The following CENATAC variants were observed in gnomAD, a reference collection of about 807,000 sequenced individuals.
CENATAC encodes the protein coiled-coil domain containing 84.
CENATAC carries 53 observed loss-of-function variants against 53.7 expected under a neutral mutation model. That is an observed-to-expected ratio of 0.99 (90% CI 0.79 to 1.24). The LOEUF is 1.24. CENATAC is among the 50% of genes most tolerant of loss of function. CENATAC has a pLI of 0.00. For synonymous variants in CENATAC, 156 were observed against 144.6 expected, an observed-to-expected ratio of 1.08 and a Z score of -0.57; for missense variants, 474 against 417.8, an observed-to-expected ratio of 1.13 and a Z score of -1.17.
chr11:119,011,848 C>T (rs1942885684), intron 5 of CENATAC, 91 bp from the exon 6 acceptor site: 2 of 1,095,078 alleles, frequency 1.8e-6, no homozygotes, highest in Non-Finnish European at 2.8e-6. Flanking sequence ...TTGTTTCCTT[C>T]CTGTGATACT....
At chr11:119,001,887 T>C (rs1942315530) in intron 3 of CENATAC, 1 of 241,686 alleles carries the variant, frequency 4.1e-6, no homozygotes, top group Non-Finnish European at 8.6e-6. Context: ...CAAGACCCCA[T>C]CTCTAAAAAG....
intron 8 of CENATAC, 122 bp downstream of exon 8, chr11:119,013,384 C>T: frequency 3.0e-6 from 2 of 677,212 alleles, no homozygotes; most frequent in Admixed American, 3.0e-5. Context: ...CAACCTCTGC[C>T]TCTCAGGTTC....
rs781993939 is a variant in CENATAC, at chr11:118,998,213, C to T, written c.16C>T (p.Arg6Cys). The change falls in exon 1 of 11, where the codon CGC becomes TGC. Residue 6 changes from arginine (R) to cysteine (C), a missense_variant. Transcript: ENST00000334418. MAPAQ[R>C]CPLCRQTFFC... is the part of the protein sequence containing the mutation. ...TACCCGGGCTATGGCGCCGGCGCAG[C>T]GCTGCCCTCTGTGCCGCCAGACCTT... 16 of 1,581,784 alleles carry T rather than the reference C, an allele frequency of 1.0e-5. No homozygotes were observed. Among genetic ancestry groups the T allele is most frequent in the Non-Finnish European group, 1.4e-5 (16 of 1,165,130 alleles).
intron 8 of CENATAC, 56 bp from the exon 9 acceptor site, chr11:119,014,938 T>C: frequency 1.6e-6 from 2 of 1,231,114 alleles, no homozygotes; most frequent in South Asian, 2.7e-5. Context: ...TAGGACATGT[T>C]TCACAATAGC....
At position 119,014,860 on chromosome 11, in the gene CENATAC, G is replaced by A. The variant is rs536230282; in HGVS notation, c.716-134G>A. On this transcript the variant is annotated intron_variant, in intron 8 of 10. Transcript: ENST00000334418. ...TTAAATTAGCCTAGGGCCTTCTAAA[G>A]CTCCAGAATTCCTGGGCTTTGCTTT... is the stretch of plus-strand genomic sequence containing the variant. 1.2e-4 allele frequency: 69 copies of A among 592,480 alleles called. No individual in the cohort carries two copies. The African/African-American group carries it at 1.2e-3, about 11-fold the overall frequency. The allele number at this position is 592,480 out of a possible 1,614,324, so 36.7% of individuals were successfully genotyped here.
intron 3 of CENATAC, among the ~76,000 whole-genome samples, chr11:119,008,707 A>G (rs887760859): frequency 3.3e-5 from 5 of 152,198 alleles, no homozygotes; most frequent in Non-Finnish European, 5.9e-5. Context: ...GGAGACAGTC[A>G]GGTCTTTCTC....
chr11:119,002,681 GTTT>G (rs10718631), intron 3 of CENATAC, among the ~76,000 whole-genome samples: 1 of 142,346 alleles, frequency 7.0e-6, no homozygotes, highest in Non-Finnish European at 1.5e-5. Flanking sequence ...TAAGCTGTTG[GTTT>G]TTTTTTTTTT....
intron 3 of CENATAC, among the ~76,000 whole-genome samples, chr11:119,008,350 A>T (rs961874447): frequency 6.6e-6 from 1 of 152,230 alleles, no homozygotes; most frequent in Non-Finnish European, 1.5e-5. Flanking sequence ...AATAAGGAGA[A>T]GGTCAACAAA....
At chr11:119,002,974 G>C (rs1288128492) in intron 3 of CENATAC, 2 of 478,030 alleles carry the variant, frequency 4.2e-6, no homozygotes, top group Non-Finnish European at 8.1e-6. Flanking sequence ...ATGGTGAAAA[G>C]ATATACATAT....
At chr11:118,998,979 T>G in intron 2 of CENATAC, 32 bp from the exon 3 acceptor site, 1 of 1,456,896 alleles carries the variant, frequency 6.9e-7, no homozygotes, top group Non-Finnish European at 9.6e-7. Context: ...TTATAATCTA[T>G]AGCTGAGATT....
At chr11:119,012,096 A>T (rs1942894770) in intron 6 of CENATAC, 53 bp from the exon 7 acceptor site, 1 of 1,613,854 alleles carries the variant, frequency 6.2e-7, no homozygotes, top group African/African-American at 1.3e-5. Context: ...TCTAATCTTT[A>T]CCACCCTCAT....
At chr11:119,009,006 ACAAATCAACAACATCTCAG>A (rs1261806608) in intron 3 of CENATAC, among the ~76,000 whole-genome samples, 10 of 152,118 alleles carry the variant, frequency 6.6e-5, no homozygotes, top group African/African-American at 2.4e-4. Context: ...GGACAAAGCT[ACAAATCAACAACATCTCAG>A]CAAAGCAACT....
At position 118,998,185 on chromosome 11, in the gene CENATAC, G is replaced by T. The variant is rs376209957; in HGVS notation, c.-13G>T. 4.3e-5 allele frequency: 68 copies of T among 1,574,444 alleles called. No individual in the cohort carries two copies. Among genetic ancestry groups the T allele is most frequent in the Non-Finnish European group, 4.0e-5 (46 of 1,162,610 alleles). On this transcript the variant is annotated 5_prime_UTR_variant, in exon 1 of 11. Coordinates refer to ENST00000334418, the MANE Select transcript of CENATAC (RefSeq NM_198489.3). Reference sequence around the variant, plus strand: ...ATCGGCCGCTGGTGGTGGTGATACCGGGTACCCGGGCTATGGCGCCGGCGC... The same window carrying T: ...ATCGGCCGCTGGTGGTGGTGATACCTGGTACCCGGGCTATGGCGCCGGCGC...
intron 8 of CENATAC, 141 bp downstream of exon 8, chr11:119,013,403 C>G (rs1415677561): frequency 1.7e-6 from 1 of 594,544 alleles, no homozygotes; most frequent in Non-Finnish European, 3.0e-6. Context: ...TCAAGTGATT[C>G]TTCTGCCTCA....
Position 119,012,092 on chromosome 11 carries a change from C to G in CENATAC, c.579-57C>G, listed in dbSNP as rs1008334557. 5.0e-6 allele frequency: 8 copies of G among 1,613,790 alleles called. No individual in the cohort carries two copies. In the African/African-American group the frequency reaches 8.0e-5, roughly 16 times the overall value. ...CCTGGGAAATGGAAACAGATCTAAT[C>G]TTTACCACCCTCATGGCTCAAGGAC... On this transcript the variant is annotated intron_variant, in intron 6 of 10. Transcript: ENST00000334418.
intron 8 of CENATAC, chr11:119,014,781 C>T (rs990840652): frequency 4.9e-6 from 2 of 406,896 alleles, no homozygotes. Flanking sequence ...TCGTTTATGT[C>T]AGTTGTGCCT....
chr11:119,006,280 A>C (rs1175968133), intron 3 of CENATAC, among the ~76,000 whole-genome samples: 5 of 147,580 alleles, frequency 3.4e-5, no homozygotes, highest in African/African-American at 1.3e-4. Context: ...CTGTCACCCA[A>C]GCTGGAGTGC....
At chr11:119,000,703 G>A (rs1425392740) in intron 3 of CENATAC, among the ~76,000 whole-genome samples, 3 of 151,940 alleles carry the variant, frequency 2.0e-5, no homozygotes, top group South Asian at 2.1e-4. Context: ...GTTGCAGTGA[G>A]CCGAGATCGC....
chr11:119,004,024 G>A (rs1212977461), intron 3 of CENATAC, among the ~76,000 whole-genome samples: 1 of 152,108 alleles, frequency 6.6e-6, no homozygotes, highest in Non-Finnish European at 1.5e-5. Flanking sequence ...GCAGTACTTA[G>A]CAAGTATTTC....
Sources: gnomAD v4.1 joint callset for allele counts (sites outside exome capture counted in the v4.1 genomes callset) on GRCh38, gnomAD v4.1.1 for gene constraint, MANE v1.5 for transcripts, NCBI Gene and HGNC (gene_info 2026-07-23, HGNC 2026-07-21) for gene names.